CFAP157: variants seen among roughly 807,000 people sequenced by gnomAD.
CFAP157 encodes the protein cilia and flagella associated protein 157.
A neutral mutation model predicts 57.8 loss-of-function variants in CFAP157; 43 were observed. The ratio of observed to expected loss-of-function variants is 0.74; its 90% CI spans 0.58 to 0.96. CFAP157 has a LOEUF of 0.96. Among genes scored for constraint, CFAP157 ranks in the 40% least tolerant of loss-of-function variants. The probability of loss-of-function intolerance (pLI) is 0.00; values close to 1 mark genes in which losing one functional copy is unlikely to be tolerated. For synonymous variants in CFAP157, 267 were observed against 269.0 expected (o/e 0.99, Z 0.07); for missense variants, 606 against 655.3 (o/e 0.92, Z 0.82).
At chr9:127,710,804 G>A in intron 3 of CFAP157, 50 bp downstream of exon 3, 1 of 1,542,896 alleles carries the variant, frequency 6.5e-7, no homozygotes, top group Non-Finnish European at 8.8e-7. Flanking sequence ...CATCCCTGGG[G>A]CTACGAACAT....
At chr9:127,707,317 C>G in intron 1 of CFAP157, 125 bp downstream of exon 1, 1 of 936,392 alleles carries the variant, frequency 1.1e-6, no homozygotes, top group African/African-American at 1.7e-5. Flanking sequence ...ATGTCCAGAC[C>G]CCATCCCGAC....
In CFAP157 at chr9:127,715,995, C is replaced by T. The variant is rs1354939689; in HGVS notation, c.*2090C>T. The T allele has an allele frequency of 4.4e-6, 5 of 1,128,514 alleles. No individual in the cohort carries two copies. The Admixed American group carries it at 1.1e-4, about 24-fold the overall frequency. The allele number at this position is 1,128,514 out of a possible 1,614,324, so 69.9% of individuals were successfully genotyped here. On this transcript the variant is annotated 3_prime_UTR_variant, in exon 9 of 9. Transcript: ENST00000373295. This position sits in a 1 kb window ranked among gnomAD's most constrained non-coding sequence, Gnocchi z 5.8. ...AACCTCTCCAGCTAATAAAAGTTTT[C>T]TACCTCCCTCCGGCTCAAAAAGCTT...
At chr9:127,712,967 G>A in intron 7 of CFAP157, 53 bp from the exon 8 acceptor site, 1 of 1,599,516 alleles carries the variant, frequency 6.3e-7, no homozygotes, top group Non-Finnish European at 8.5e-7. Flanking sequence ...CTCACCCTGG[G>A]CCAGAAACCT....
Position 127,709,687 on chromosome 9 carries a change from A to G in CFAP157, c.427A>G (p.Ile143Val). 6.2e-7 allele frequency: 1 copy of G among 1,612,722 alleles called. No individual in the cohort carries two copies. Among genetic ancestry groups the G allele is most frequent in the Non-Finnish European group, 8.5e-7 (1 of 1,179,340 alleles). ...GGACCAGCTCACCACGGAGAACATCATCCTTGGTGAGGAGGGGACTGGCTG... is the reference window on the plus strand; with the variant it reads ...GGACCAGCTCACCACGGAGAACATCGTCCTTGGTGAGGAGGGGACTGGCTG... The part of the protein sequence containing the change: ...TKDQLTTENI[I>V]LGGKLAALEE... The change falls in exon 2 of 9, where the codon ATC becomes GTC. Residue 143 changes from isoleucine to valine, a missense_variant. Physicochemically the swap from Ile to Val is conservative, Grantham distance 29. Transcript: ENST00000373295. The surrounding 1 kb of genome is among the most constrained non-coding windows in gnomAD (Gnocchi z 4.7).
intron 5 of CFAP157, 78 bp downstream of exon 5, chr9:127,712,028 G>A (rs146416029): frequency 0.011 from 16,841 of 1,531,102 alleles, 155 homozygotes; most frequent in Non-Finnish European, 0.012. Context: ...CCGATCCCAC[G>A]ACCCAGGCCA....
chr9:127,712,970 A>G, intron 7 of CFAP157, 50 bp from the exon 8 acceptor site: 1 of 1,601,362 alleles, frequency 6.2e-7, no homozygotes, highest in South Asian at 1.1e-5. Flanking sequence ...ACCCTGGGCC[A>G]GAAACCTGGC....
At position 127,713,858 on chromosome 9, in the gene CFAP157, A is replaced by C. The variant is rs1397419461; in HGVS notation, c.1516A>C (p.Arg506=). The change falls in exon 9 of 9, where the codon AGG becomes CGG. Residue 506 remains arginine (R), a synonymous_variant. Transcript: ENST00000373295. ...PEMRAPGSLK[R]LEKFSLPEVP... ...GATGCGTGCCCCTGGTTCTCTAAAA[A>C]GGCTTGAAAAGTTTAGTCTTCCTGA... 1 of 1,613,842 alleles carries C rather than the reference A, an allele frequency of 6.2e-7. No individual in the cohort carries two copies. Among genetic ancestry groups the C allele is most frequent in the African/African-American group, 1.3e-5 (1 of 74,922 alleles).
Position 127,709,359 on chromosome 9 carries a change from G to C in CFAP157, c.162-63G>C, listed in dbSNP as rs1459122504. 1.3e-6 allele frequency: 2 copies of C among 1,552,276 alleles called. No individual in the cohort carries two copies. Among genetic ancestry groups the C allele is most frequent in the African/African-American group, 2.7e-5 (2 of 73,486 alleles). On this transcript the variant is annotated intron_variant, in intron 1 of 8. Transcript: ENST00000373295. This position sits in a 1 kb window ranked among gnomAD's most constrained non-coding sequence, Gnocchi z 4.7. ...CAGGGAGTCCAGGAGAGTGGGCCCA[G>C]CTGCACCAGAGGCCTGGCTTGCCCA...
At position 127,712,744 on chromosome 9, in the gene CFAP157, G is replaced by A; in HGVS notation, c.1173G>A (p.Val391=). The A allele has an allele frequency of 2.5e-6, 4 of 1,614,188 alleles. No individual in the cohort carries two copies. The highest frequency in any genetic ancestry group is 3.4e-6 in the Non-Finnish European group (4 of 1,180,022). Reference sequence around the variant, plus strand: ...ATGAAGAGGACAGTGACGTTGACGTGACGTTCCAGCCATGGCACAAGGAGA... The same window carrying A: ...ATGAAGAGGACAGTGACGTTGACGTAACGTTCCAGCCATGGCACAAGGAGA... The part of the protein sequence containing the change: ...HRDEEDSDVD[V]TFQPWHKEML... The change falls in exon 7 of 9, where the codon GTG becomes GTA. Residue 391 remains valine (V), a synonymous_variant. Transcript: ENST00000373295.
At chr9:127,713,496 C>CTTTTTTTTT in intron 8 of CFAP157, 1 of 88,614 alleles carries the variant, frequency 1.1e-5, no homozygotes, top group Non-Finnish European at 1.9e-5. Flanking sequence ...CAGCATCTTT[C>CTTTTTTTTT]TTTTTTTTTT....
Position 127,715,091 on chromosome 9 carries a change from G to T in CFAP157, c.*1186G>T. On this transcript the variant is annotated 3_prime_UTR_variant, in exon 9 of 9. Coordinates refer to ENST00000373295, the MANE Select transcript of CFAP157 (RefSeq NM_001012502.3). The surrounding 1 kb of genome is among the most constrained non-coding windows in gnomAD (Gnocchi z 5.8). ...GTCGGCGGCACAGTGCCGGTCGCGCGTCCAACTCTCCGCCACACCCAGCCG... is the reference window on the plus strand; with the variant it reads ...GTCGGCGGCACAGTGCCGGTCGCGCTTCCAACTCTCCGCCACACCCAGCCG... 6.5e-7 allele frequency: 1 copy of T among 1,532,734 alleles called. No individual in the cohort carries two copies. Among genetic ancestry groups the T allele is most frequent in the Non-Finnish European group, 8.7e-7 (1 of 1,145,564 alleles). The allele number at this position is 1,532,734 out of a possible 1,614,324, so 94.9% of individuals were successfully genotyped here.
chr9:127,708,307 T>A (rs1377497370), intron 1 of CFAP157, among the ~76,000 whole-genome samples: 1 of 152,006 alleles, frequency 6.6e-6, no homozygotes, highest in Non-Finnish European at 1.5e-5. Flanking sequence ...TGAAGCCCAG[T>A]CTCTACTAAA....
Position 127,712,848 on chromosome 9 carries a change from C to G in CFAP157, c.1277C>G (p.Ser426Ter). 6.2e-7 allele frequency: 1 copy of G among 1,613,070 alleles called. No individual in the cohort carries two copies. Among genetic ancestry groups the G allele is most frequent in the Non-Finnish European group, 8.5e-7 (1 of 1,179,496 alleles). Residue 426 changes from serine (S) to a stop codon, truncating the protein, a stop_gained, in exon 7 of 9, where the codon TCA (serine) becomes TGA (stop). Transcript: ENST00000373295. LOFTEE classifies it high-confidence loss of function. The part of the protein sequence containing the change: ...PQKAACPHQE[S>*]QSHGPPKESR... ...AAGGCTGCGTGTCCCCACCAGGAGT[C>G]ACAGTCCCATGGCCCACCCAAGGAG... is the stretch of plus-strand genomic sequence containing the variant.
At chr9:127,710,472 A>C in intron 2 of CFAP157, 129 bp from the exon 3 acceptor site, 1 of 1,134,150 alleles carries the variant, frequency 8.8e-7, no homozygotes, top group Non-Finnish European at 1.2e-6. Flanking sequence ...GGGATGGTAG[A>C]CCTGCCCCAC....
Position 127,714,741 on chromosome 9 carries a change from C to A in CFAP157, c.*836C>A, listed in dbSNP as rs373268232. Reference sequence around the variant, plus strand: ...AACGGCAGCCCTGGTTACTGCCCATCTGCCCAGAGAGGCACTGTCCCGACT... The same window carrying A: ...AACGGCAGCCCTGGTTACTGCCCATATGCCCAGAGAGGCACTGTCCCGACT... On this transcript the variant is annotated 3_prime_UTR_variant, in exon 9 of 9. Transcript: ENST00000373295. 1.7e-4 allele frequency: 264 copies of A among 1,533,260 alleles called. No individual in the cohort carries two copies. In the African/African-American group the frequency reaches 3.4e-3, roughly 20 times the overall value. The allele number at this position is 1,533,260 out of a possible 1,614,324, so 95.0% of individuals were successfully genotyped here. A position where few individuals can be genotyped will look rare whatever the true frequency, so the allele number is the denominator to read the frequency against.
At position 127,714,670 on chromosome 9, in the gene CFAP157, A is replaced by T; in HGVS notation, c.*765A>T. 1 of 1,613,802 alleles carries T rather than the reference A, an allele frequency of 6.2e-7. No individual in the cohort carries two copies. The highest frequency in any genetic ancestry group is 1.3e-5 in the African/African-American group (1 of 75,030). ...TTGTCCAGCTCATCATGCACCAGGT[A>T]GACTTCCTCGGCAGTCAGCCCAAAC... On this transcript the variant is annotated 3_prime_UTR_variant, in exon 9 of 9. Coordinates refer to ENST00000373295, the MANE Select transcript of CFAP157 (RefSeq NM_001012502.3).
Position 127,711,407 on chromosome 9 carries a change from A to G in CFAP157, c.766A>G (p.Lys256Glu). The G allele has an allele frequency of 6.2e-7, 1 of 1,614,164 alleles. No homozygotes were observed. The highest frequency in any genetic ancestry group is 8.5e-7 in the Non-Finnish European group (1 of 1,180,036). Reference sequence around the variant, plus strand: ...GCTGCTGCAGGAGAATGAGCAGCTCAAGGGAAGACAGAACAATCTGTGCAA... The same window carrying G: ...GCTGCTGCAGGAGAATGAGCAGCTCGAGGGAAGACAGAACAATCTGTGCAA... ...MKLLQENEQL[K>E]GRQNNLCKQL... The change falls in exon 4 of 9, where the codon AAG becomes GAG. Residue 256 changes from lysine (K) to glutamate (E), a missense_variant. Coordinates refer to ENST00000373295, the MANE Select transcript of CFAP157 (RefSeq NM_001012502.3).
At chr9:127,712,905 G>A in intron 7 of CFAP157, 30 bp downstream of exon 7, 2 of 1,597,224 alleles carry the variant, frequency 1.3e-6, no homozygotes, top group African/African-American at 2.7e-5. Flanking sequence ...TGGCCTCAGA[G>A]GCAGCCACAG....
Position 127,714,148 on chromosome 9 carries a change from G to T in CFAP157, c.*243G>T. 1 of 1,613,824 alleles carries T rather than the reference G, an allele frequency of 6.2e-7. No individual in the cohort carries two copies. Among genetic ancestry groups the T allele is most frequent in the Non-Finnish European group, 8.5e-7 (1 of 1,180,010 alleles). On this transcript the variant is annotated 3_prime_UTR_variant, in exon 9 of 9. Coordinates refer to ENST00000373295, the MANE Select transcript of CFAP157 (RefSeq NM_001012502.3). The stretch of plus-strand genomic sequence containing the variant: ...GGCTTCGCTCACGGATGTGGTCCAA[G>T]ATCAGGTCGGTGGCTCGATCCAGCA...
Sources: allele counts gnomAD v4.1 joint callset (sites outside exome capture counted in the v4.1 genomes callset), GRCh38; gene constraint gnomAD v4.1.1; non-coding constraint Gnocchi (gnomAD v3.1); transcripts MANE v1.5; gene names NCBI Gene and HGNC (gene_info 2026-07-23, HGNC 2026-07-21).